TRAPPC2: variants seen among roughly 807,000 people sequenced by gnomAD.
TRAPPC2 encodes the protein trafficking protein particle complex subunit 2, also known as sedlin.
In TRAPPC2, 4 loss-of-function variants were observed where a neutral mutation model predicts 10.0. The ratio of observed to expected loss-of-function variants is 0.40; its 90% CI spans 0.20 to 0.92. TRAPPC2 has a LOEUF of 0.92. Ranked by LOEUF, TRAPPC2 falls within the 40% of genes least tolerant of loss-of-function variation. The pLI, the probability that TRAPPC2 is intolerant of heterozygous loss-of-function variation, is 0.35. For synonymous variants in TRAPPC2, 36 were observed against 37.3 expected, an observed-to-expected ratio of 0.97 and a Z score of 0.12; for missense variants, 52 against 108.7, an observed-to-expected ratio of 0.48 and a Z score of 2.32.
At chrX:13,724,433 C>A (rs1440170607) in intron 2 of TRAPPC2, among the ~76,000 whole-genome samples, 1 of 105,949 alleles carries the variant, frequency 9.4e-6, no homozygotes, top group Non-Finnish European at 1.9e-5. Context: ...GCTTTTTAGG[C>A]TACGATCAGG....
rs1433242775 is a variant in TRAPPC2 at position 13,712,976 on chromosome X, C to G, written c.*1431G>C. On this transcript the variant is annotated 3_prime_UTR_variant, in exon 6 of 6. Transcript: ENST00000380579. ...AACCTATCTGGGCCGGGCACGGTGG[C>G]TCACACCTGTAATCCCAGCACTTTG... The G allele has an allele frequency of 9.2e-6, 1 of 108,416 alleles. No individual in the cohort carries two copies. Among genetic ancestry groups the G allele is most frequent in the East Asian group, 2.9e-4 (1 of 3,482 alleles). 8.9% of individuals were successfully genotyped at this position (108,416 alleles called of 1,213,427 possible). A position where few individuals can be genotyped will look rare whatever the true frequency, so the allele number is the denominator to read the frequency against.
At chrX:13,733,702 C>G (rs770881431) in intron 2 of TRAPPC2, among the ~76,000 whole-genome samples, 4 of 111,845 alleles carry the variant, frequency 3.6e-5, no homozygotes, top group African/African-American at 3.2e-5. Context: ...CAGCACACAA[C>G]TCTGGAGTCA....
chrX:13,727,605 T>C (rs1021453272), intron 2 of TRAPPC2, among the ~76,000 whole-genome samples: 4 of 112,106 alleles, frequency 3.6e-5, no homozygotes, highest in Non-Finnish European at 7.5e-5. Context: ...AAGCAGTGTG[T>C]AGAGGGAAAT....
chrX:13,734,549 A>T lies in TRAPPC2; in HGVS notation c.-186T>A. On this transcript the variant is annotated 5_prime_UTR_variant, in exon 1 of 6. Coordinates refer to ENST00000380579, the MANE Select transcript of TRAPPC2 (RefSeq NM_001011658.4). ...CCTGCAGTGGGAGGCCGACAACGGA[A>T]ACGCAATGTCAGTTTCCGCGGAAGA... is the stretch of plus-strand genomic sequence containing the variant. 2.6e-6 allele frequency: 1 copy of T among 383,514 alleles called. No homozygotes were observed. The highest frequency in any genetic ancestry group is 3.6e-6 in the Non-Finnish European group (1 of 277,055). The allele number at this position is 383,514 out of a possible 1,213,427, so 31.6% of individuals were successfully genotyped here.
chrX:13,716,326 T>A, intron 4 of TRAPPC2: 1 of 562,435 alleles, frequency 1.8e-6, no homozygotes, highest in Non-Finnish European at 2.8e-6. Flanking sequence ...ATAAACTCTT[T>A]TTGTGTATGA....
At position 13,719,997 on chromosome X, in the gene TRAPPC2, A is replaced by T. The variant is rs2046374440; in HGVS notation, c.-19-15T>A. On this transcript the variant is annotated splice_polypyrimidine_tract_variant and intron_variant, in intron 2 of 5. Coordinates refer to ENST00000380579, the MANE Select transcript of TRAPPC2 (RefSeq NM_001011658.4). ...ATATATGGCTCCTAATTAAGTGAAA[A>T]ATAGTACATATTTTTAGTAGTCAAT... is the stretch of plus-strand genomic sequence containing the variant. 4.9e-6 allele frequency: 5 copies of T among 1,018,656 alleles called. No homozygotes were observed. In the African/African-American group the frequency reaches 9.7e-5, roughly 20 times the overall value. 83.9% of individuals were successfully genotyped at this position (1,018,656 alleles called of 1,213,427 possible).
chrX:13,728,911 T>A (rs1221357897), intron 2 of TRAPPC2, among the ~76,000 whole-genome samples: 1 of 112,154 alleles, frequency 8.9e-6, no homozygotes, highest in East Asian at 2.8e-4. Flanking sequence ...AGTCGCAGGA[T>A]ACAAAATCAA....
chrX:13,726,661 G>T (rs1208005524), intron 2 of TRAPPC2, among the ~76,000 whole-genome samples: 1 of 111,837 alleles, frequency 8.9e-6, no homozygotes, highest in African/African-American at 3.3e-5. Context: ...AGGCCAAATT[G>T]TAAAAGACCA....
chrX:13,734,546 G>A lies in TRAPPC2; in HGVS notation c.-183C>T. 1 of 378,191 alleles carries A rather than the reference G, an allele frequency of 2.6e-6. No individual in the cohort carries two copies. The highest frequency in any genetic ancestry group is 6.6e-5 in the Admixed American group (1 of 15,085). The allele number at this position is 378,191 out of a possible 1,213,427, so 31.2% of individuals were successfully genotyped here. On this transcript the variant is annotated 5_prime_UTR_variant, in exon 1 of 6. Transcript: ENST00000380579. The stretch of plus-strand genomic sequence containing the variant: ...CTACCTGCAGTGGGAGGCCGACAAC[G>A]GAAACGCAATGTCAGTTTCCGCGGA...
At chrX:13,715,312 A>T (rs1226224079) in intron 5 of TRAPPC2, among the ~76,000 whole-genome samples, 1 of 112,438 alleles carries the variant, frequency 8.9e-6, no homozygotes, top group African/African-American at 3.2e-5. Context: ...GTCTCTACTG[A>T]AAATACAAAA....
intron 2 of TRAPPC2, among the ~76,000 whole-genome samples, chrX:13,733,274 A>G (rs2046718941): frequency 9.0e-6 from 1 of 111,682 alleles, no homozygotes; most frequent in Non-Finnish European, 1.9e-5. Flanking sequence ...AGGATCATGT[A>G]CTAGTATTCA....
At chrX:13,717,881 G>A (rs1427504047) in intron 3 of TRAPPC2, among the ~76,000 whole-genome samples, 2 of 112,222 alleles carry the variant, frequency 1.8e-5, no homozygotes, top group Non-Finnish European at 3.8e-5. Context: ...GATGTGGTTA[G>A]CTAAGATGAG....
chrX:13,726,099 T>A, intron 2 of TRAPPC2, among the ~76,000 whole-genome samples: 1 of 111,915 alleles, frequency 8.9e-6, no homozygotes, highest in South Asian at 3.7e-4. Flanking sequence ...CCAAGAAATA[T>A]GGGACTATGT....
chrX:13,720,979 A>G (rs1207151651), intron 2 of TRAPPC2: 1 of 105,613 alleles, frequency 9.5e-6, no homozygotes, highest in Non-Finnish European at 1.9e-5. Context: ...GTGAACCAAG[A>G]TCGCACCACT....
At chrX:13,728,255 C>T (rs1270716868) in intron 2 of TRAPPC2, among the ~76,000 whole-genome samples, 3 of 111,916 alleles carry the variant, frequency 2.7e-5, no homozygotes, top group African/African-American at 9.8e-5. Context: ...TTTTATGAAG[C>T]CAACATCATC....
chrX:13,730,303 C>G lies in TRAPPC2; in HGVS notation c.-20+3741G>C, dbSNP rs143180463. Among the ~76,000 whole-genome samples the G allele has an allele frequency of 2.3e-3, 255 of 111,330 alleles. 1 individual carries two copies. Among genetic ancestry groups the G allele is most frequent in the African/African-American group, 8.0e-3 (244 of 30,676 alleles). On this transcript the variant is annotated intron_variant, in intron 2 of 5. Coordinates refer to ENST00000380579, the MANE Select transcript of TRAPPC2 (RefSeq NM_001011658.4). ...CAAAAGAAGACATCTATGCAGCCAACAGACACATGAAAAAAATGCTCATCA... is the reference window on the plus strand; with the variant it reads ...CAAAAGAAGACATCTATGCAGCCAAGAGACACATGAAAAAAATGCTCATCA...
rs1569080485 is a variant in TRAPPC2, at chrX:13,722,214, A to AAAAAAAAG, written c.-19-2233_-19-2232insCTTTTTTT. The AAAAAAAAG allele has an allele frequency of 7.2e-4, 37 of 51,225 alleles. 2 individuals carry two copies. In the East Asian group the frequency reaches 0.029, roughly 40 times the overall value. The allele number at this position is 51,225 out of a possible 1,213,427, so 4.2% of individuals were successfully genotyped here. On this transcript the variant is annotated intron_variant, in intron 2 of 5. Coordinates refer to ENST00000380579, the MANE Select transcript of TRAPPC2 (RefSeq NM_001011658.4). Reference sequence around the variant, plus strand: ...CAGTACATTTAAGCAGCAGCAAAAAAAAAAAAAAAAAAAAAAAAAAGCAAA... The same window carrying AAAAAAAAG: ...CAGTACATTTAAGCAGCAGCAAAAAAAAAAAAAGAAAAAAAAAAAAAAAAAAAAGCAAA...
intron 2 of TRAPPC2, among the ~76,000 whole-genome samples, chrX:13,724,531 C>T (rs1349784551): frequency 9.0e-6 from 1 of 111,326 alleles, no homozygotes; most frequent in Non-Finnish European, 1.9e-5. Flanking sequence ...CTTCCATTTT[C>T]TCTGTTAAAT....
At chrX:13,723,864 C>T (rs770505139) in intron 2 of TRAPPC2, among the ~76,000 whole-genome samples, 4 of 110,993 alleles carry the variant, frequency 3.6e-5, no homozygotes, top group African/African-American at 6.6e-5. Flanking sequence ...TTAGGGCCCA[C>T]GGCAAAGAGG....
Sources: allele counts gnomAD v4.1 joint callset (sites outside exome capture counted in the v4.1 genomes callset), GRCh38; gene constraint gnomAD v4.1.1; transcripts MANE v1.5; gene names NCBI Gene and HGNC (gene_info 2026-07-23, HGNC 2026-07-21).